The following SMOC1 variants were observed in gnomAD, a reference collection of about 807,000 sequenced individuals.
SMOC1 encodes SPARC related modular calcium binding 1, also known as SPARC-related modular calcium-binding protein 1.
SMOC1 carries 22 observed loss-of-function variants against 56.3 expected under a neutral mutation model. That is an observed-to-expected ratio of 0.39 (90% CI 0.28 to 0.56). The LOEUF (loss-of-function observed/expected upper bound fraction) is 0.56, where lower values mean the gene tolerates loss of function less well. SMOC1 is among the 20% of genes least tolerant of loss of function. The probability of loss-of-function intolerance (pLI) is 0.61; values close to 1 mark genes in which losing one functional copy is unlikely to be tolerated. For missense variants in SMOC1, 509 were observed against 565.4 expected (o/e 0.90, Z 1.01); for synonymous variants, 193 against 215.0 (o/e 0.90, Z 0.89).
rs746033223 is a variant in SMOC1, at chr14:70,010,922, G to A, written c.833G>A (p.Arg278His). Residue 278 changes from arginine (R) to histidine (H), a missense_variant, in exon 8 of 12, where the codon CGC becomes CAC. By Grantham distance (29) the Arg-to-His change is conservative. This residue lies in a region of SMOC1 where 18 missense variants were observed against 44.2 expected (regional missense o/e 0.41). Coordinates refer to ENST00000361956, the MANE Select transcript of SMOC1 (RefSeq NM_001034852.3). ...YCWCVLVDTG[R>H]PLPGTSTRYV... ...TGGTGTGTGCTGGTGGACACAGGGCGCCCGCTGCCTGGGACCTCCACACGG... is the reference window on the plus strand; with the variant it reads ...TGGTGTGTGCTGGTGGACACAGGGCACCCGCTGCCTGGGACCTCCACACGG... 1.2e-5 allele frequency: 20 copies of A among 1,612,782 alleles called. No homozygotes were observed. Among genetic ancestry groups the A allele is most frequent in the Non-Finnish European group, 7.6e-6 (9 of 1,180,038 alleles).
intron 1 of SMOC1, among the ~76,000 whole-genome samples, chr14:69,940,601 C>T (rs1263870750): frequency 6.6e-6 from 1 of 150,592 alleles, no homozygotes; most frequent in East Asian, 1.9e-4. Flanking sequence ...ACCAAACAGG[C>T]ATGAAGAAAC....
chr14:69,946,589 G>C (rs967877400), intron 1 of SMOC1, among the ~76,000 whole-genome samples: 2 of 152,220 alleles, frequency 1.3e-5, no homozygotes, highest in Non-Finnish European at 2.9e-5. Flanking sequence ...AAATGTCTCA[G>C]TGTTTGGCTT....
intron 3 of SMOC1, among the ~76,000 whole-genome samples, chr14:69,972,523 T>C (rs1368959052): frequency 2.0e-5 from 3 of 152,180 alleles, no homozygotes; most frequent in African/African-American, 4.8e-5. Flanking sequence ...TTATAGGACT[T>C]GGAAGGAGCT....
intron 1 of SMOC1, among the ~76,000 whole-genome samples, chr14:69,910,722 G>C (rs1884536565): frequency 6.6e-6 from 1 of 152,074 alleles, no homozygotes; most frequent in African/African-American, 2.4e-5. Context: ...ATGCCGAGGA[G>C]GTGTCAAGTC....
At chr14:70,007,226 C>G (rs944254739) in intron 7 of SMOC1, among the ~76,000 whole-genome samples, 1 of 152,198 alleles carries the variant, frequency 6.6e-6, no homozygotes, top group African/African-American at 2.4e-5. Flanking sequence ...GCATCCTTTT[C>G]TGTTCAATGA....
chr14:70,029,553 C>T (rs192825808), intron 11 of SMOC1, among the ~76,000 whole-genome samples: 1 of 152,182 alleles, frequency 6.6e-6, no homozygotes, highest in Non-Finnish European at 1.5e-5. Flanking sequence ...ACTTTTTGCT[C>T]TTTCCCAAGT....
Position 69,977,094 on chromosome 14 carries a change from G to A in SMOC1, c.479-824G>A, listed in dbSNP as rs372998985. On this transcript the variant is annotated intron_variant, in intron 4 of 11. Transcript: ENST00000361956. ...AAACGACTAGAAACAAGCCATGCAG[G>A]ATAATATGTTTGAGTTCTCACACAA... 6.9e-4 allele frequency among the ~76,000 whole-genome samples: 105 copies of A among 152,334 alleles called. No homozygotes were observed. In the Middle Eastern group the frequency reaches 0.01, roughly 15 times the overall value.
chr14:69,925,202 G>A (rs1884977694), intron 1 of SMOC1, among the ~76,000 whole-genome samples: 1 of 117,392 alleles, frequency 8.5e-6, no homozygotes, highest in African/African-American at 3.5e-5. Flanking sequence ...TGGGTGGGAG[G>A]GGAGCTAGAG....
At chr14:69,909,720 C>T (rs1374458131) in intron 1 of SMOC1, among the ~76,000 whole-genome samples, 1 of 151,966 alleles carries the variant, frequency 6.6e-6, no homozygotes, top group African/African-American at 2.4e-5. Context: ...GGGTATTTTC[C>T]AAAGGTACCC....
At chr14:69,932,972 T>C (rs1885206182) in intron 1 of SMOC1, among the ~76,000 whole-genome samples, 1 of 152,124 alleles carries the variant, frequency 6.6e-6, no homozygotes, top group Non-Finnish European at 1.5e-5. Context: ...GAACTCTTCT[T>C]ACACCAAATC....
At chr14:70,001,477 T>C (rs1405334067) in intron 7 of SMOC1, among the ~76,000 whole-genome samples, 1 of 152,148 alleles carries the variant, frequency 6.6e-6, no homozygotes, top group African/African-American at 2.4e-5. Context: ...ATTGCTGGCA[T>C]AGTGATTATA....
At chr14:69,970,968 A>C (rs781169100) in intron 3 of SMOC1, among the ~76,000 whole-genome samples, 10 of 152,190 alleles carry the variant, frequency 6.6e-5, no homozygotes, top group Non-Finnish European at 1.3e-4. Flanking sequence ...GGCAGAGATG[A>C]AACTTACTTA....
At chr14:69,916,682 A>G (rs1322581443) in intron 1 of SMOC1, among the ~76,000 whole-genome samples, 1 of 152,112 alleles carries the variant, frequency 6.6e-6, no homozygotes, top group Non-Finnish European at 1.5e-5. Flanking sequence ...TGCATGGCTC[A>G]CTTGTTTACT....
Position 70,030,603 on chromosome 14 carries a change from A to C in SMOC1, c.*345A>C. ...GAAAGAGATTTATATGCTGTATATA[A>C]ATATATATGTAAATTGTATAGTTCT... On this transcript the variant is annotated 3_prime_UTR_variant, in exon 12 of 12. Transcript: ENST00000361956. 1 of 304,730 alleles carries C rather than the reference A, an allele frequency of 3.3e-6. No individual in the cohort carries two copies. The highest frequency in any genetic ancestry group is 8.2e-5 in the South Asian group (1 of 12,206). 18.9% of individuals were successfully genotyped at this position (304,730 alleles called of 1,614,324 possible).
Position 69,903,227 on chromosome 14 carries a change from G to A in SMOC1, c.99+23450G>A, listed in dbSNP as rs565320801. On this transcript the variant is annotated intron_variant, in intron 1 of 11. Coordinates refer to ENST00000361956, the MANE Select transcript of SMOC1 (RefSeq NM_001034852.3). ...GAGATGTGGGGAGCCCCTCTGCCCC[G>A]CCGCCCCGTCTGGGATGTGAGGAGC... Among the ~76,000 whole-genome samples, 37 of 151,774 alleles carry A rather than the reference G, an allele frequency of 2.4e-4. No individual in the cohort carries two copies. The South Asian group carries it at 4.8e-3, about 20-fold the overall frequency.
chr14:70,027,260 C>A (rs1303210088), intron 11 of SMOC1, among the ~76,000 whole-genome samples: 1 of 152,190 alleles, frequency 6.6e-6, no homozygotes, highest in Non-Finnish European at 1.5e-5. Flanking sequence ...CTTGGCCCAG[C>A]CTCAGGATTC....
chr14:69,965,948 T>A (rs1883560200), intron 3 of SMOC1, among the ~76,000 whole-genome samples: 1 of 152,044 alleles, frequency 6.6e-6, no homozygotes, highest in African/African-American at 2.4e-5. Flanking sequence ...ATTGAAGGGA[T>A]CAGAATTTTT....
chr14:69,911,054 G>A (rs1019201751), intron 1 of SMOC1, among the ~76,000 whole-genome samples: 1 of 152,208 alleles, frequency 6.6e-6, no homozygotes, highest in Non-Finnish European at 1.5e-5. Context: ...CCAGTAGCAG[G>A]GAGTCATCAT....
At chr14:69,901,956 T>C (rs1263511195) in intron 1 of SMOC1, among the ~76,000 whole-genome samples, 1 of 152,242 alleles carries the variant, frequency 6.6e-6, no homozygotes, top group African/African-American at 2.4e-5. Context: ...TCTACTTTCC[T>C]TTGGGGAACA....
Sources: allele counts gnomAD v4.1 joint callset (sites outside exome capture counted in the v4.1 genomes callset), GRCh38; gene constraint gnomAD v4.1.1; regional missense constraint gnomAD v4.1.1; transcripts MANE v1.5; gene names NCBI Gene and HGNC (gene_info 2026-07-23, HGNC 2026-07-21).